The following TLN1 variants were observed in gnomAD, a reference collection of about 807,000 sequenced individuals.
TLN1 encodes the protein talin-1.
In TLN1, 56 loss-of-function variants were observed where a neutral mutation model predicts 292.3. The observed-to-expected ratio is 0.19, with a 90% CI of 0.15 to 0.24. TLN1 has a LOEUF of 0.24. Among genes scored for constraint, TLN1 ranks in the 10% least tolerant of loss-of-function variants. The pLI, the probability that TLN1 is intolerant of heterozygous loss-of-function variation, is 1.00. For synonymous variants in TLN1, 1,119 were observed against 1,253.7 expected (o/e 0.89, Z 2.27); for missense variants, 2,433 against 3,248.2 (o/e 0.75, Z 6.10).
chr9:35,729,751 A>C (rs1826037037), intron 1 of TLN1, among the ~76,000 whole-genome samples: 1 of 152,206 alleles, frequency 6.6e-6, no homozygotes, highest in Non-Finnish European at 1.5e-5. Context: ...ATCAGCAGCC[A>C]CTTTAGCGGC....
chr9:35,711,818 C>A, intron 28 of TLN1, 26 bp from the exon 29 acceptor site: 3 of 1,613,224 alleles, frequency 1.9e-6, no homozygotes, highest in Non-Finnish European at 2.5e-6. Context: ...GGAAGTCAGA[C>A]AGAAGAGTGG....
At chr9:35,722,254 A>G in intron 8 of TLN1, 31 bp from the exon 9 acceptor site, 2 of 1,574,082 alleles carry the variant, frequency 1.3e-6, no homozygotes, top group Non-Finnish European at 1.7e-6. Flanking sequence ...AATTTAGCAA[A>G]GAGTTTCATA....
At chr9:35,709,409 A>G (rs1364320257) in intron 33 of TLN1, among the ~76,000 whole-genome samples, 2 of 152,210 alleles carry the variant, frequency 1.3e-5, no homozygotes, top group Non-Finnish European at 2.9e-5. Context: ...GAGGGCTAGG[A>G]TGGTAGGCTT....
chr9:35,726,699 T>C lies in TLN1; in HGVS notation c.-33-972A>G, dbSNP rs138961680. Reference sequence around the variant, plus strand: ...GATGCGGGGGCCTTCTGAAGGAGCCTAGCCCTGTACTGGGCTTCCCAGGCA... The same window carrying C: ...GATGCGGGGGCCTTCTGAAGGAGCCCAGCCCTGTACTGGGCTTCCCAGGCA... On this transcript the variant is annotated intron_variant, in intron 1 of 56. Transcript: ENST00000314888. Among the ~76,000 whole-genome samples the C allele has an allele frequency of 5.2e-3, 790 of 152,338 alleles. 18 individuals are homozygous for C. The highest frequency in any genetic ancestry group is 0.034 in the Admixed American group (525 of 15,302).
rs551959240 is a variant in TLN1 at position 35,719,636 on chromosome 9, G to A, written c.1579-9C>T. On this transcript the variant is annotated splice_polypyrimidine_tract_variant and intron_variant, in intron 14 of 56. Coordinates refer to ENST00000314888, the MANE Select transcript of TLN1 (RefSeq NM_006289.4). This position sits in a 1 kb window ranked among gnomAD's most constrained non-coding sequence, Gnocchi z 4.6. ...CGCCAGGCCTTAGAGGCCTGAAAGA[G>A]AGAGGAAAAGCCTTCAGGATCTGCC... 3.7e-6 allele frequency: 6 copies of A among 1,613,700 alleles called. No individual in the cohort carries two copies. The East Asian group carries it at 1.3e-4, about 36-fold the overall frequency.
At chr9:35,708,037 C>G in intron 34 of TLN1, 145 bp from the exon 35 acceptor site, 1 of 977,220 alleles carries the variant, frequency 1.0e-6, no homozygotes, top group Non-Finnish European at 1.5e-6. Context: ...AAGTCAAGAT[C>G]TAGGAGACAG....
rs779055749 is a variant in TLN1, at chr9:35,711,616, C to T, written c.3858G>A (p.Val1286=). The T allele has an allele frequency of 1.9e-5, 30 of 1,613,812 alleles. No individual in the cohort carries two copies. In the Admixed American group the frequency reaches 4.8e-4, roughly 26 times the overall value. Reference sequence around the variant, plus strand: ...ATACCGGAGCCTGGCCTGCCATCTCCACACCAGCTTCCAGGAAGGTGCTGA... The same window carrying T: ...ATACCGGAGCCTGGCCTGCCATCTCTACACCAGCTTCCAGGAAGGTGCTGA... ...QDFSTFLEAG[V]EMAGQAPSQE... Residue 1286 remains valine, a synonymous_variant, in exon 29 of 57, where the codon GTG becomes GTA. Transcript: ENST00000314888.
chr9:35,721,950 G>GGT, intron 9 of TLN1, 147 bp from the exon 10 acceptor site: 1 of 1,219,482 alleles, frequency 8.2e-7, no homozygotes. Context: ...GGGAAGTGGT[G>GGT]GTGTAGGGCT....
intron 1 of TLN1, among the ~76,000 whole-genome samples, chr9:35,731,640 C>T (rs1217512956): frequency 6.6e-6 from 1 of 152,148 alleles, no homozygotes; most frequent in African/African-American, 2.4e-5. Context: ...AAGATAATGA[C>T]CGTAATCTAA....
At chr9:35,715,018 C>T in intron 21 of TLN1, 41 bp downstream of exon 21, 2 of 1,612,348 alleles carry the variant, frequency 1.2e-6, no homozygotes, top group Non-Finnish European at 1.7e-6. Flanking sequence ...TCCCACAGCA[C>T]CCACACTCTC....
chr9:35,699,835 A>T lies in TLN1; in HGVS notation c.6768+139T>A. 1 of 1,099,404 alleles carries T rather than the reference A, an allele frequency of 9.1e-7. No individual in the cohort carries two copies. The highest frequency in any genetic ancestry group is 1.3e-6 in the Non-Finnish European group (1 of 798,652). The allele number at this position is 1,099,404 out of a possible 1,614,324, so 68.1% of individuals were successfully genotyped here. A position where few individuals can be genotyped will look rare whatever the true frequency, so the allele number is the denominator to read the frequency against. ...GGCCTGGGAGAAAGGGAGACTTGGAAAGGAGAACAGATTTGGGAAGTAGAG... is the reference window on the plus strand; with the variant it reads ...GGCCTGGGAGAAAGGGAGACTTGGATAGGAGAACAGATTTGGGAAGTAGAG... On this transcript the variant is annotated intron_variant, in intron 50 of 56. Transcript: ENST00000314888. This position sits in a 1 kb window ranked among gnomAD's most constrained non-coding sequence, Gnocchi z 4.0.
chr9:35,705,821 C>T lies in TLN1; in HGVS notation c.5542G>A (p.Gly1848Ser). Residue 1848 changes from glycine to serine, a missense_variant, in exon 42 of 57, where the codon GGT (glycine) becomes AGT (serine). This residue lies in a region of TLN1 where 1,384 missense variants were observed against 1,699.6 expected (regional missense o/e 0.81). Transcript: ENST00000314888. ...GTTGTTTGGTAATCCACGAAGGAAC[C>T]TTCTGGTTCACCCATTGGTCCTTCA... ...LDEGPMGEPE[G>S]SFVDYQTTMV... 2 of 1,614,268 alleles carry T rather than the reference C, an allele frequency of 1.2e-6. No homozygotes were observed. Among genetic ancestry groups the T allele is most frequent in the South Asian group, 1.1e-5 (1 of 91,090 alleles).
Position 35,719,791 on chromosome 9 carries a change from G to A in TLN1, c.1527C>T (p.Ala509=). The A allele has an allele frequency of 6.2e-7, 1 of 1,606,266 alleles. No homozygotes were observed. Among genetic ancestry groups the A allele is most frequent in the Non-Finnish European group, 8.5e-7 (1 of 1,176,300 alleles). The stretch of plus-strand genomic sequence containing the variant: ...TGTCAAAGTCATCCAGGGTGGCCTG[G>A]GCAGCCTGCACGGCCTGCATGCTGG... ...INSSMQAVQA[A]QATLDDFDTL... The change falls in exon 14 of 57, where the codon GCC becomes GCT. Residue 509 remains alanine, a synonymous_variant. Transcript: ENST00000314888. This position sits in a 1 kb window ranked among gnomAD's most constrained non-coding sequence, Gnocchi z 4.6.
intron 1 of TLN1, among the ~76,000 whole-genome samples, chr9:35,731,647 C>G (rs1278464699): frequency 3.3e-5 from 5 of 152,142 alleles, no homozygotes; most frequent in Admixed American, 2.0e-4. Flanking sequence ...TGACCGTAAT[C>G]TAAACCTTAC....
chr9:35,717,526 A>G lies in TLN1; in HGVS notation c.2164-86T>C. On this transcript the variant is annotated intron_variant, in intron 18 of 56. Transcript: ENST00000314888. The surrounding 1 kb of genome is among the most constrained non-coding windows in gnomAD (Gnocchi z 4.7). ...ATAGCAGTAACTGGGATGGGTGAGG[A>G]GGCCTCCAGAGCCAAAGAAATAAAA... 2 of 1,576,240 alleles carry G rather than the reference A, an allele frequency of 1.3e-6. No homozygotes were observed. The highest frequency in any genetic ancestry group is 1.7e-6 in the Non-Finnish European group (2 of 1,155,962).
At chr9:35,726,888 G>C (rs1256946727) in intron 1 of TLN1, among the ~76,000 whole-genome samples, 1 of 152,202 alleles carries the variant, frequency 6.6e-6, no homozygotes, top group Non-Finnish European at 1.5e-5. Context: ...GTCCTTGCTT[G>C]TTCCAAGTCA....
In TLN1 at chr9:35,719,402, C is replaced by T; in HGVS notation, c.1687+117G>A. 1 of 1,340,032 alleles carries T rather than the reference C, an allele frequency of 7.5e-7. No individual in the cohort carries two copies. The highest frequency in any genetic ancestry group is 1.1e-6 in the Non-Finnish European group (1 of 936,738). The allele number at this position is 1,340,032 out of a possible 1,614,324, so 83.0% of individuals were successfully genotyped here. A position where few individuals can be genotyped will look rare whatever the true frequency, so the allele number is the denominator to read the frequency against. On this transcript the variant is annotated intron_variant, in intron 15 of 56. Coordinates refer to ENST00000314888, the MANE Select transcript of TLN1 (RefSeq NM_006289.4). The surrounding 1 kb of genome is among the most constrained non-coding windows in gnomAD (Gnocchi z 4.6). Reference sequence around the variant, plus strand: ...ATGTCCACAGAAAGACGCACACACACAGTCCCTTCCACAGTGAGTCAAGGC... The same window carrying T: ...ATGTCCACAGAAAGACGCACACACATAGTCCCTTCCACAGTGAGTCAAGGC...
In TLN1 at chr9:35,706,365, A is replaced by G; in HGVS notation, c.5192T>C (p.Val1731Ala). 6.2e-7 allele frequency: 1 copy of G among 1,609,550 alleles called. No homozygotes were observed. Among genetic ancestry groups the G allele is most frequent in the Non-Finnish European group, 8.5e-7 (1 of 1,177,534 alleles). Reference sequence around the variant, plus strand: ...CTCAAAGTACTGCGCCATCTGGGACACCTGAGGCAAGGGGTTGGACTAGGG... The same window carrying G: ...CTCAAAGTACTGCGCCATCTGGGACGCCTGAGGCAAGGGGTTGGACTAGGG... ...RAEASQLGHK[V>A]SQMAQYFEPL... Residue 1731 changes from valine (V) to alanine (A), a missense_variant and splice_region_variant, in exon 40 of 57, where the codon GTG becomes GCG. By Grantham distance (64) the Val-to-Ala change is moderately conservative. Around this residue, in one of 7 missense-constraint regions of TLN1, gnomAD observed 1,384 missense variants for 1,699.6 expected, o/e 0.81. Coordinates refer to ENST00000314888, the MANE Select transcript of TLN1 (RefSeq NM_006289.4). This position sits in a 1 kb window ranked among gnomAD's most constrained non-coding sequence, Gnocchi z 4.2.
chr9:35,701,127 G>A (rs1235034583), intron 48 of TLN1, among the ~76,000 whole-genome samples: 1 of 152,148 alleles, frequency 6.6e-6, no homozygotes, highest in African/African-American at 2.4e-5. Context: ...TCAAAAAGCT[G>A]GAGAGAACTG....
Sources: allele counts gnomAD v4.1 joint callset (sites outside exome capture counted in the v4.1 genomes callset), GRCh38; gene constraint gnomAD v4.1.1; regional missense constraint gnomAD v4.1.1; non-coding constraint Gnocchi (gnomAD v3.1); transcripts MANE v1.5; gene names NCBI Gene and HGNC (gene_info 2026-07-23, HGNC 2026-07-21).